Variants in HUWE1 observed in about 807,000 individuals in gnomAD.
HUWE1 encodes the protein E3 ubiquitin-protein ligase HUWE1.
In HUWE1, 18 loss-of-function variants were observed where a neutral mutation model predicts 299.4. The ratio of observed to expected loss-of-function variants is 0.06; its 90% confidence interval spans 0.04 to 0.09. The LOEUF is 0.09. Among genes scored for constraint, HUWE1 ranks in the 10% least tolerant of loss-of-function variants. The pLI, the probability that HUWE1 is intolerant of heterozygous loss-of-function variation, is 1.00. For synonymous variants in HUWE1, 1,317 were observed against 1,286.1 expected (o/e 1.02, Z -0.51); for missense variants, 1,832 against 3,462.3 (o/e 0.53, Z 11.82).
At position 53,548,194 on chromosome X, in the gene HUWE1, C is replaced by T; in HGVS notation, c.10115G>A (p.Cys3372Tyr). The change falls in exon 68 of 84, where the codon TGT (cysteine) becomes TAT (tyrosine). Residue 3372 changes from cysteine (C) to tyrosine (Y), a missense_variant. Cys to Tyr is a radical substitution (Grantham distance 194, BLOSUM62 -2). Around this residue, in one of 15 missense-constraint regions of HUWE1, gnomAD observed 80 missense variants for 142.1 expected, o/e 0.56. Coordinates refer to ENST00000262854, the MANE Select transcript of HUWE1 (RefSeq NM_031407.7). ...GGAGGACTGTGAGGAGCATGGGCTA[C>T]AGGCCTTATTGCCCCTTTCCCGATC... The part of the protein sequence containing the change: ...ESDRERGNKA[C>Y]SPCSSQSSSS... 5.8e-6 allele frequency: 7 copies of T among 1,209,626 alleles called. No individual in the cohort carries two copies. The highest frequency in any genetic ancestry group is 6.7e-6 in the Non-Finnish European group (6 of 894,164).
chrX:53,677,548 G>C (rs142226221), intron 3 of HUWE1, among the ~76,000 whole-genome samples: 2 of 99,564 alleles, frequency 2.0e-5, no homozygotes. Flanking sequence ...CTTTCCACCT[G>C]TAAGAACTCA....
Position 53,537,847 on chromosome X carries a change from T to C in HUWE1, c.11997-151A>G. On this transcript the variant is annotated intron_variant, in intron 77 of 83. Coordinates refer to ENST00000262854, the MANE Select transcript of HUWE1 (RefSeq NM_031407.7). ...ACCTGTTTGGGAAATGCCCAGTAGT[T>C]GGGAGAGGTAGATCACTCATTACCA... 5.0e-6 allele frequency: 3 copies of C among 594,365 alleles called. No individual in the cohort carries two copies. In the East Asian group the frequency reaches 1.1e-4, roughly 21 times the overall value. 49.0% of individuals were successfully genotyped at this position (594,365 alleles called of 1,213,427 possible).
chrX:53,579,170 G>A (rs2063457147), intron 43 of HUWE1, among the ~76,000 whole-genome samples: 1 of 50,933 alleles, frequency 2.0e-5, no homozygotes, highest in Non-Finnish European at 3.6e-5. Flanking sequence ...CCTCTGCCCG[G>A]CCAGCCGCCC....
At chrX:53,603,251 G>C (rs2064976104) in intron 27 of HUWE1, 117 bp downstream of exon 27, 1 of 676,910 alleles carries the variant, frequency 1.5e-6, no homozygotes, top group Non-Finnish European at 2.3e-6. Flanking sequence ...TGGGAAGAGG[G>C]AAGGACAAGG....
At chrX:53,583,097 G>A (rs1388800275) in intron 42 of HUWE1, among the ~76,000 whole-genome samples, 1 of 111,855 alleles carries the variant, frequency 8.9e-6, no homozygotes, top group East Asian at 2.8e-4. Context: ...TATTTGTTAA[G>A]TGTCTATCAC....
At chrX:53,651,613 GTT>G (rs1256106025) in intron 4 of HUWE1, among the ~76,000 whole-genome samples, 3 of 110,665 alleles carry the variant, frequency 2.7e-5, no homozygotes, top group Non-Finnish European at 5.7e-5. Context: ...CTTTTTTATT[GTT>G]TTTTCCCCCA....
intron 3 of HUWE1, among the ~76,000 whole-genome samples, chrX:53,668,367 G>C (rs1432760198): frequency 1.9e-5 from 2 of 107,854 alleles, no homozygotes; most frequent in African/African-American, 3.4e-5. Context: ...GCTTGAACTC[G>C]GGAGGTGGAG....
At chrX:53,632,938 G>T (rs782292315) in intron 8 of HUWE1, among the ~76,000 whole-genome samples, 2 of 112,616 alleles carry the variant, frequency 1.8e-5, no homozygotes, top group African/African-American at 3.2e-5. Flanking sequence ...ACAAATACCA[G>T]GGCCCAGAAA....
chrX:53,659,798 T>C (rs1397603087), intron 3 of HUWE1, among the ~76,000 whole-genome samples: 2 of 111,845 alleles, frequency 1.8e-5, no homozygotes, highest in African/African-American at 3.3e-5. Context: ...GCAGGCAGTA[T>C]ATGGGAAATT....
chrX:53,669,980 G>C (rs1280441642), intron 3 of HUWE1, among the ~76,000 whole-genome samples: 1 of 112,103 alleles, frequency 8.9e-6, no homozygotes, highest in Non-Finnish European at 1.9e-5. Flanking sequence ...AAAAGGAAGG[G>C]AAAATAAGAT....
intron 82 of HUWE1, 81 bp downstream of exon 82, chrX:53,534,435 A>G: frequency 1.1e-6 from 1 of 891,414 alleles, no homozygotes; most frequent in Non-Finnish European, 1.6e-6. Context: ...TAAGAGTACT[A>G]CTGGTTTATT....
In HUWE1 at chrX:53,588,370, T is replaced by G; in HGVS notation, c.4614+12A>C. On this transcript the variant is annotated intron_variant, in intron 37 of 83. Coordinates refer to ENST00000262854, the MANE Select transcript of HUWE1 (RefSeq NM_031407.7). The stretch of plus-strand genomic sequence containing the variant: ...TGAATGAATTACAAGGCCCCAAAGA[T>G]CTAAATCTTACCTCAAAAAGTAGCG... The G allele has an allele frequency of 1.7e-6, 2 of 1,205,731 alleles. No individual in the cohort carries two copies. Among genetic ancestry groups the G allele is most frequent in the Non-Finnish European group, 2.2e-6 (2 of 891,973 alleles).
chrX:53,655,392 G>A (rs1420280603), intron 3 of HUWE1, among the ~76,000 whole-genome samples: 1 of 111,983 alleles, frequency 8.9e-6, no homozygotes, highest in Admixed American at 9.4e-5. Context: ...GGCATTCAAG[G>A]AAGAGTTTGT....
At chrX:53,556,388 C>CT (rs1556934915) in intron 60 of HUWE1, 3 of 337,410 alleles carry the variant, frequency 8.9e-6, no homozygotes, top group South Asian at 8.1e-5. Context: ...GTGACAGACT[C>CT]TTTTAAAGAT....
chrX:53,595,597 G>C (rs1602970012), intron 29 of HUWE1, among the ~76,000 whole-genome samples, 194 bp from the exon 30 acceptor site: 1 of 112,015 alleles, frequency 8.9e-6, no homozygotes, highest in Admixed American at 9.5e-5. Context: ...TTTGACGGTA[G>C]GAGACAGATA....
chrX:53,545,280 AGAGT>A, intron 70 of HUWE1, 119 bp from the exon 71 acceptor site: 1 of 722,471 alleles, frequency 1.4e-6, no homozygotes. Flanking sequence ...CAGAGAACCT[AGAGT>A]GAGCTGGAAT....
At chrX:53,626,980 A>G (rs782751178) in intron 17 of HUWE1, among the ~76,000 whole-genome samples, 13 of 111,521 alleles carry the variant, frequency 1.2e-4, no homozygotes, top group African/African-American at 3.9e-4. Context: ...CAAAATAGGT[A>G]AAGTTTTAAA....
At chrX:53,620,915 C>T (rs1032958882) in intron 19 of HUWE1, among the ~76,000 whole-genome samples, 1 of 111,367 alleles carries the variant, frequency 9.0e-6, no homozygotes, top group East Asian at 2.8e-4. Flanking sequence ...AAGGTCTCTG[C>T]CAAAGTCCTT....
intron 23 of HUWE1, among the ~76,000 whole-genome samples, chrX:53,610,427 G>A (rs1218726668): frequency 1.8e-5 from 2 of 111,635 alleles, no homozygotes; most frequent in Non-Finnish European, 3.8e-5. Flanking sequence ...AGCCATACAG[G>A]AATAATCAAA....
Sources: allele counts gnomAD v4.1 joint callset (sites outside exome capture counted in the v4.1 genomes callset), GRCh38; gene constraint gnomAD v4.1.1; regional missense constraint gnomAD v4.1.1; transcripts MANE v1.5; gene names NCBI Gene and HGNC (gene_info 2026-07-23, HGNC 2026-07-21).